The following PLCB1 variants were observed in gnomAD, a reference collection of about 807,000 sequenced individuals.
PLCB1 encodes the protein 1-phosphatidylinositol 4,5-bisphosphate phosphodiesterase beta-1.
PLCB1 carries 46 observed loss-of-function variants against 161.8 expected under a neutral mutation model. The ratio of observed to expected loss-of-function variants is 0.28; its 90% CI spans 0.22 to 0.36. PLCB1 has a LOEUF of 0.36. Ranked by LOEUF, PLCB1 falls within the 10% of genes least tolerant of loss-of-function variation. The probability of loss-of-function intolerance (pLI) is 1.00; values close to 1 mark genes in which losing one functional copy is unlikely to be tolerated. For synonymous variants in PLCB1, 517 were observed against 503.7 expected (o/e 1.03, Z -0.35); for missense variants, 1,016 against 1,472.5 (o/e 0.69, Z 5.07).
Position 8,783,231 on chromosome 20 carries a change from C to T in PLCB1, c.3112-5218C>T, listed in dbSNP as rs1002168066. Among the ~76,000 whole-genome samples the T allele has an allele frequency of 5.3e-5, 8 of 152,222 alleles. No individual in the cohort carries two copies. In the South Asian group the frequency reaches 1.7e-3, roughly 32 times the overall value. On this transcript the variant is annotated intron_variant, in intron 27 of 31. Transcript: ENST00000338037. ...TTGTTTACTACCATTCAGTTTACCA[C>T]ATACCTTCTTAATTTATTTCCTAGG...
intron 3 of PLCB1, among the ~76,000 whole-genome samples, chr20:8,577,373 G>T (rs1264488233): frequency 2.7e-5 from 4 of 149,642 alleles, no homozygotes; most frequent in Non-Finnish European, 5.9e-5. Context: ...GGGAGGCGGA[G>T]CTTGCAGTGA....
chr20:8,814,575 GCA>G (rs1491181740), intron 31 of PLCB1, among the ~76,000 whole-genome samples: 14 of 111,318 alleles, frequency 1.3e-4, no homozygotes, highest in Non-Finnish European at 2.4e-4. Context: ...GTATGTACTT[GCA>G]TGTGTGTGTG....
chr20:8,633,107 C>CGTATGT (rs1420206648), intron 4 of PLCB1, among the ~76,000 whole-genome samples: 2 of 8,440 alleles, frequency 2.4e-4, no homozygotes, highest in African/African-American at 5.8e-4. Context: ...TATGTACACA[C>CGTATGT]ACACACACAC....
chr20:8,685,510 G>A (rs1444325513), intron 10 of PLCB1, among the ~76,000 whole-genome samples: 2 of 149,924 alleles, frequency 1.3e-5, no homozygotes, highest in African/African-American at 2.5e-5. Flanking sequence ...GATCACCTGA[G>A]GTCAGGAGTT....
chr20:8,430,046 G>A (rs1979966616), intron 3 of PLCB1, among the ~76,000 whole-genome samples: 1 of 151,972 alleles, frequency 6.6e-6, no homozygotes, highest in South Asian at 2.1e-4. Flanking sequence ...ACATATTCCA[G>A]GTAGAGACAA....
At chr20:8,776,513 TA>T (rs1382072832) in intron 27 of PLCB1, among the ~76,000 whole-genome samples, 1 of 152,238 alleles carries the variant, frequency 6.6e-6, no homozygotes, top group African/African-American at 2.4e-5. Context: ...TGTCTCTCTT[TA>T]AACAGCTTTA....
intron 3 of PLCB1, among the ~76,000 whole-genome samples, chr20:8,469,574 A>T (rs990947497): frequency 3.3e-5 from 5 of 152,168 alleles, no homozygotes; most frequent in African/African-American, 1.2e-4. Flanking sequence ...TTTTTTAAAA[A>T]AAAGTACATA....
intron 31 of PLCB1, among the ~76,000 whole-genome samples, chr20:8,876,985 G>A (rs1372716014): frequency 7.9e-5 from 12 of 152,056 alleles, no homozygotes; most frequent in Admixed American, 2.6e-4. Flanking sequence ...AATACACTCC[G>A]TTCTTTGCTG....
intron 31 of PLCB1, among the ~76,000 whole-genome samples, chr20:8,830,851 T>G (rs1473054280): frequency 6.6e-6 from 1 of 152,106 alleles, no homozygotes; most frequent in Non-Finnish European, 1.5e-5. Flanking sequence ...TTTTCAGACA[T>G]AGCCATTAGA....
intron 2 of PLCB1, among the ~76,000 whole-genome samples, chr20:8,307,072 T>G (rs1984165869): frequency 6.6e-6 from 1 of 152,232 alleles, no homozygotes; most frequent in East Asian, 1.9e-4. Flanking sequence ...TGAGGGATGA[T>G]GTAAAACGGG....
chr20:8,866,902 A>G (rs1387211162), intron 31 of PLCB1, among the ~76,000 whole-genome samples: 1 of 152,244 alleles, frequency 6.6e-6, no homozygotes, highest in Non-Finnish European at 1.5e-5. Context: ...AGACATAAAC[A>G]TCATATTTAG....
chr20:8,155,793 A>G (rs1335118495), intron 2 of PLCB1, among the ~76,000 whole-genome samples: 1 of 152,222 alleles, frequency 6.6e-6, no homozygotes, highest in South Asian at 2.1e-4. Context: ...GTAGTTATAA[A>G]TTTAGAAGAT....
chr20:8,734,045 G>A (rs1277615523), intron 19 of PLCB1, among the ~76,000 whole-genome samples: 1 of 141,098 alleles, frequency 7.1e-6, no homozygotes, highest in African/African-American at 2.6e-5. Flanking sequence ...GGAGAATGGC[G>A]TGAACCTGGG....
At chr20:8,369,783 G>A (rs1986844707) in intron 2 of PLCB1, among the ~76,000 whole-genome samples, 2 of 152,208 alleles carry the variant, frequency 1.3e-5, no homozygotes, top group Non-Finnish European at 2.9e-5. Context: ...CAAGAGCAGA[G>A]ACCCACTGTT....
At position 8,862,203 on chromosome 20, in the gene PLCB1, T is replaced by C. The variant is rs1305897647; in HGVS notation, c.3424-19419T>C. Reference sequence around the variant, plus strand: ...TTGAATATACTCACTATGTCATGCATGATTTATTTATTTAAATTTCAGCAT... The same window carrying C: ...TTGAATATACTCACTATGTCATGCACGATTTATTTATTTAAATTTCAGCAT... On this transcript the variant is annotated intron_variant, in intron 31 of 31. Coordinates refer to ENST00000338037, the MANE Select transcript of PLCB1 (RefSeq NM_015192.4). Among the ~76,000 whole-genome samples the C allele has an allele frequency of 2.6e-5, 4 of 152,352 alleles. No homozygotes were observed. The East Asian group carries it at 7.7e-4, about 29-fold the overall frequency.
chr20:8,298,034 A>T (rs960589012), intron 2 of PLCB1, among the ~76,000 whole-genome samples: 1 of 130,116 alleles, frequency 7.7e-6, no homozygotes, highest in African/African-American at 3.0e-5. Flanking sequence ...CTTGGCTCAC[A>T]TCTGTAATCC....
intron 2 of PLCB1, among the ~76,000 whole-genome samples, chr20:8,353,845 T>C (rs762529450): frequency 6.6e-6 from 1 of 152,056 alleles, no homozygotes; most frequent in Non-Finnish European, 1.5e-5. Flanking sequence ...GGAATATCAA[T>C]GAAGTATGGG....
At chr20:8,313,516 C>T (rs1984503815) in intron 2 of PLCB1, among the ~76,000 whole-genome samples, 1 of 151,918 alleles carries the variant, frequency 6.6e-6, no homozygotes, top group Admixed American at 6.6e-5. Context: ...AGCATAAGGT[C>T]ACTGTAGGAG....
At chr20:8,709,772 C>T (rs547130889) in intron 12 of PLCB1, among the ~76,000 whole-genome samples, 57 of 152,202 alleles carry the variant, frequency 3.7e-4, no homozygotes, top group Non-Finnish European at 6.6e-4. Flanking sequence ...TTATATTTAC[C>T]GGCTTGTGGT....
Sources: allele counts gnomAD v4.1 joint callset (sites outside exome capture counted in the v4.1 genomes callset), GRCh38; gene constraint gnomAD v4.1.1; transcripts MANE v1.5; gene names NCBI Gene and HGNC (gene_info 2026-07-23, HGNC 2026-07-21).